Variants in ABI3BP observed in about 807,000 individuals in gnomAD.
The protein encoded by ABI3BP is ABI family member 3 binding protein, also known as target of Nesh-SH3.
In ABI3BP, 216 loss-of-function variants were observed where a neutral mutation model predicts 268.6. The ratio of observed to expected loss-of-function variants is 0.80; its 90% CI spans 0.72 to 0.90. The LOEUF (loss-of-function observed/expected upper bound fraction) is 0.90, where lower values mean the gene tolerates loss of function less well. Ranked by LOEUF, ABI3BP falls within the 40% of genes least tolerant of loss-of-function variation. The pLI, the probability that ABI3BP is intolerant of heterozygous loss-of-function variation, is 0.00. For missense variants in ABI3BP, 2,090 were observed against 2,182.4 expected (o/e 0.96, Z 0.84); for synonymous variants, 730 against 730.0 (o/e 1.00, Z 0.00).
intron 26 of ABI3BP, 101 bp downstream of exon 26, chr3:100,838,109 T>A (rs1338186222): frequency 7.7e-7 from 1 of 1,306,940 alleles, no homozygotes; most frequent in Non-Finnish European, 1.1e-6. Flanking sequence ...ATTATGGTAT[T>A]TGGATTTCTA....
At chr3:100,865,995 T>C (rs577661355) in intron 10 of ABI3BP, among the ~76,000 whole-genome samples, 4 of 152,360 alleles carry the variant, frequency 2.6e-5, no homozygotes, top group African/African-American at 9.6e-5. Context: ...ATATTCACCT[T>C]GCTCTCTCAG....
chr3:100,920,923 C>T (rs1373212769), intron 2 of ABI3BP, among the ~76,000 whole-genome samples: 1 of 152,202 alleles, frequency 6.6e-6, no homozygotes, highest in African/African-American at 2.4e-5. Context: ...ATCATGCTGC[C>T]TCTCAAGTGA....
rs2063770246 is a variant in ABI3BP at position 100,931,917 on chromosome 3, A to T, written c.80-5436T>A. 3.3e-5 allele frequency among the ~76,000 whole-genome samples: 5 copies of T among 152,140 alleles called. No homozygotes were observed. In the South Asian group the frequency reaches 8.3e-4, roughly 25 times the overall value. On this transcript the variant is annotated intron_variant, in intron 1 of 67. Coordinates refer to ENST00000471714, the MANE Select transcript of ABI3BP (RefSeq NM_001375547.2). ...AGCCAAAGCAATTCTAAACAAAAAG[A>T]ACAAAGCTAGAGGCATCAAACTACC...
chr3:100,864,774 G>C, intron 11 of ABI3BP, 59 bp downstream of exon 11: 2 of 1,305,562 alleles, frequency 1.5e-6, no homozygotes, highest in South Asian at 2.7e-5. Context: ...TGTGAGTCCT[G>C]GGAGTTATTT....
chr3:100,824,614 TACTA>T lies in ABI3BP; in HGVS notation c.2746+240_2746+243del, dbSNP rs1474421268. On this transcript the variant is annotated intron_variant, in intron 36 of 67. Transcript: ENST00000471714. ...GAATGGAATTTGACAGTAAGAAATATACTAACTATGTGGTTTCAAAGAAAAGTCT... is the reference window on the plus strand; with the variant it reads ...GAATGGAATTTGACAGTAAGAAATATACTATGTGGTTTCAAAGAAAAGTCT... 4.6e-5 allele frequency among the ~76,000 whole-genome samples: 7 copies of T among 152,330 alleles called. No individual in the cohort carries two copies. The South Asian group carries it at 1.0e-3, about 23-fold the overall frequency.
chr3:100,946,266 G>C (rs2072207642), intron 1 of ABI3BP, among the ~76,000 whole-genome samples: 1 of 151,044 alleles, frequency 6.6e-6, no homozygotes, highest in Admixed American at 6.6e-5. Flanking sequence ...AGCTACTCAG[G>C]AAGCTGAGGC....
chr3:100,832,370 G>T lies in ABI3BP; in HGVS notation c.2315-20C>A, dbSNP rs892701999. 2 of 1,533,102 alleles carry T rather than the reference G, an allele frequency of 1.3e-6. No homozygotes were observed. The allele number at this position is 1,533,102 out of a possible 1,614,324, so 95.0% of individuals were successfully genotyped here. The stretch of plus-strand genomic sequence containing the variant: ...TTGGAGCTGAAGGAAGAAAATTTAG[G>T]ATTAATATGGTGCTGATGGCTCCAT... On this transcript the variant is annotated intron_variant, in intron 30 of 67. Coordinates refer to ENST00000471714, the MANE Select transcript of ABI3BP (RefSeq NM_001375547.2).
At chr3:100,888,829 T>TC (rs1351467489) in intron 4 of ABI3BP, among the ~76,000 whole-genome samples, 1 of 152,046 alleles carries the variant, frequency 6.6e-6, no homozygotes, top group Non-Finnish European at 1.5e-5. Flanking sequence ...TCATTTTTTT[T>TC]CAAGCAGAGA....
At position 100,973,987 on chromosome 3, in the gene ABI3BP, T is replaced by C. The variant is rs548454314; in HGVS notation, c.79+19319A>G. ...ATGCGGTTTCTAAGAAAATGGATCATACATTTTTTTAAAGAAATATGCCTA... is the reference window on the plus strand; with the variant it reads ...ATGCGGTTTCTAAGAAAATGGATCACACATTTTTTTAAAGAAATATGCCTA... On this transcript the variant is annotated intron_variant, in intron 1 of 67. Transcript: ENST00000471714. Among the ~76,000 whole-genome samples the C allele has an allele frequency of 4.6e-5, 7 of 152,302 alleles. No homozygotes were observed. The South Asian group carries it at 8.3e-4, about 18-fold the overall frequency.
chr3:100,982,767 T>G (rs2090165567), intron 1 of ABI3BP, among the ~76,000 whole-genome samples: 1 of 152,054 alleles, frequency 6.6e-6, no homozygotes, highest in South Asian at 2.1e-4. Flanking sequence ...TTGGAGAGGA[T>G]GGGCCTGGAG....
At chr3:100,779,684 T>C (rs535703565) in intron 58 of ABI3BP, among the ~76,000 whole-genome samples, 2 of 151,920 alleles carry the variant, frequency 1.3e-5, no homozygotes, top group Non-Finnish European at 2.9e-5. Context: ...CTTTATTCAA[T>C]CCAAAGGTAT....
intron 51 of ABI3BP, among the ~76,000 whole-genome samples, chr3:100,800,317 A>T (rs1399845253): frequency 6.6e-6 from 1 of 152,122 alleles, no homozygotes; most frequent in Non-Finnish European, 1.5e-5. Context: ...AAAGAAACAC[A>T]CACAATTTTA....
intron 1 of ABI3BP, among the ~76,000 whole-genome samples, chr3:100,927,486 C>T (rs539341207): frequency 9.0e-5 from 9 of 100,276 alleles, no homozygotes; most frequent in East Asian, 8.6e-4. Context: ...TCTGAAACTG[C>T]GTAATTTATA....
Position 100,794,981 on chromosome 3 carries a change from G to T in ABI3BP, c.3888C>A (p.Ile1296=). 6.4e-7 allele frequency: 1 copy of T among 1,553,564 alleles called. No individual in the cohort carries two copies. The highest frequency in any genetic ancestry group is 8.7e-7 in the Non-Finnish European group (1 of 1,152,262). ...TTGGGGAAATCATGGGTATAAAAGG[G>T]ATGCCTCGTGTCTCTAGAGGAGCTG... is the stretch of plus-strand genomic sequence containing the variant. ...TTIAPLETRG[I]PFIPMISPSP... The change falls in exon 54 of 68, where the codon ATC becomes ATA. Residue 1296 remains isoleucine (I), a synonymous_variant. Transcript: ENST00000471714.
At chr3:100,860,521 G>T (rs537156251) in intron 14 of ABI3BP, among the ~76,000 whole-genome samples, 1 of 152,166 alleles carries the variant, frequency 6.6e-6, no homozygotes, top group Non-Finnish European at 1.5e-5. Context: ...AAAGGCAAAA[G>T]AAACCTTTCC....
chr3:100,818,635 C>T (rs1284267517), intron 40 of ABI3BP, 54 bp from the exon 41 acceptor site: 1 of 1,305,714 alleles, frequency 7.7e-7, no homozygotes, highest in East Asian at 2.5e-5. Flanking sequence ...TATATCTTTC[C>T]ATTATAATAC....
chr3:100,882,372 C>T (rs2039759404), intron 6 of ABI3BP, among the ~76,000 whole-genome samples: 1 of 151,408 alleles, frequency 6.6e-6, no homozygotes, highest in African/African-American at 2.4e-5. Context: ...CAAAGTTATC[C>T]CATGCAGTTC....
intron 37 of ABI3BP, among the ~76,000 whole-genome samples, chr3:100,823,029 G>C (rs1004412155): frequency 2.0e-5 from 3 of 151,986 alleles, no homozygotes; most frequent in Admixed American, 6.6e-5. Flanking sequence ...ATATTCTATA[G>C]AGCTCTTAAA....
intron 3 of ABI3BP, 150 bp from the exon 4 acceptor site, chr3:100,899,044 A>G (rs1479058433): frequency 5.2e-5 from 47 of 899,300 alleles, no homozygotes; most frequent in Non-Finnish European, 1.7e-6. Context: ...CATTATTACT[A>G]ATTTTTGCCC....
Sources: allele counts gnomAD v4.1 joint callset (sites outside exome capture counted in the v4.1 genomes callset), GRCh38; gene constraint gnomAD v4.1.1; transcripts MANE v1.5; gene names NCBI Gene and HGNC (gene_info 2026-07-23, HGNC 2026-07-21).